ZDHHC14: variants seen among roughly 807,000 people sequenced by gnomAD.
ZDHHC14 encodes palmitoyltransferase ZDHHC14.
A neutral mutation model predicts 47.7 loss-of-function variants in ZDHHC14; 16 were observed. The ratio of observed to expected loss-of-function variants is 0.34; its 90% confidence interval spans 0.23 to 0.51. The LOEUF is 0.51. Among genes scored for constraint, ZDHHC14 ranks in the 20% least tolerant of loss-of-function variants. ZDHHC14 has a pLI of 0.97. For missense variants in ZDHHC14, 515 were observed against 662.5 expected (o/e 0.78, Z 2.44); for synonymous variants, 293 against 278.9 (o/e 1.05, Z -0.50).
intron 2 of ZDHHC14, among the ~76,000 whole-genome samples, chr6:157,562,482 C>T (rs1782747929): frequency 6.6e-6 from 1 of 152,152 alleles, no homozygotes; most frequent in South Asian, 2.1e-4. Flanking sequence ...TGCTGCTGGG[C>T]TCTCCATGCG....
At chr6:157,420,487 T>A (rs1178503287) in intron 1 of ZDHHC14, among the ~76,000 whole-genome samples, 1 of 151,866 alleles carries the variant, frequency 6.6e-6, no homozygotes, top group Non-Finnish European at 1.5e-5. Flanking sequence ...GTATAGTCAC[T>A]GAAGGGGTGG....
At chr6:157,392,625 G>A (rs1777438524) in intron 1 of ZDHHC14, among the ~76,000 whole-genome samples, 1 of 146,976 alleles carries the variant, frequency 6.8e-6, no homozygotes, top group Non-Finnish European at 1.5e-5. Flanking sequence ...GCCATGACTG[G>A]ATCCATAATT....
intron 2 of ZDHHC14, among the ~76,000 whole-genome samples, chr6:157,589,542 G>A (rs1209710010): frequency 6.6e-6 from 1 of 152,134 alleles, no homozygotes; most frequent in African/African-American, 2.4e-5. Context: ...ATGATAGTGA[G>A]TGAGTTCTCA....
intron 1 of ZDHHC14, among the ~76,000 whole-genome samples, chr6:157,494,767 T>C (rs185026413): frequency 6.6e-6 from 1 of 152,344 alleles, no homozygotes; most frequent in African/African-American, 2.4e-5. Flanking sequence ...AATTGCATTT[T>C]ATGGGCTCTA....
intron 1 of ZDHHC14, among the ~76,000 whole-genome samples, chr6:157,479,988 G>A (rs570967688): frequency 1.3e-5 from 2 of 152,220 alleles, no homozygotes; most frequent in Non-Finnish European, 2.9e-5. Context: ...GATCCTCGAG[G>A]GGGTAGGGGA....
At chr6:157,487,380 C>T (rs1043141095) in intron 1 of ZDHHC14, among the ~76,000 whole-genome samples, 3 of 152,140 alleles carry the variant, frequency 2.0e-5, no homozygotes, top group African/African-American at 7.2e-5. Flanking sequence ...GTCTCACTGA[C>T]CTGGTCTTCT....
intron 2 of ZDHHC14, among the ~76,000 whole-genome samples, chr6:157,574,695 T>A (rs1367289097): frequency 6.6e-6 from 1 of 152,218 alleles, no homozygotes; most frequent in Non-Finnish European, 1.5e-5. Flanking sequence ...TTCCCCATTT[T>A]AAAGTTTCTG....
chr6:157,452,246 A>ATT (rs35501167), intron 1 of ZDHHC14, among the ~76,000 whole-genome samples: 32,036 of 149,916 alleles, frequency 0.21, 3,620 homozygotes, highest in African/African-American at 0.26. Context: ...AGTACCTAGT[A>ATT]TTTTTTTTTT....
chr6:157,468,957 C>T (rs1286104424), intron 1 of ZDHHC14, among the ~76,000 whole-genome samples: 1 of 152,190 alleles, frequency 6.6e-6, no homozygotes, highest in Non-Finnish European at 1.5e-5. Context: ...AAACCCAGGT[C>T]TCTATTCCCC....
At chr6:157,512,489 G>T (rs972695713) in intron 1 of ZDHHC14, among the ~76,000 whole-genome samples, 1 of 152,204 alleles carries the variant, frequency 6.6e-6, no homozygotes, top group African/African-American at 2.4e-5. Context: ...CAGTTCATGC[G>T]TGAGCCACAC....
intron 7 of ZDHHC14, among the ~76,000 whole-genome samples, chr6:157,652,915 G>C (rs1777906246): frequency 6.6e-6 from 1 of 152,192 alleles, no homozygotes; most frequent in Non-Finnish European, 1.5e-5. Flanking sequence ...CAGAGAAGGG[G>C]AGAGAGGAGG....
At chr6:157,423,665 T>A (rs1051639186) in intron 1 of ZDHHC14, among the ~76,000 whole-genome samples, 2 of 152,176 alleles carry the variant, frequency 1.3e-5, no homozygotes, top group East Asian at 3.8e-4. Context: ...TCTGAAGTTG[T>A]TTGACATAAG....
At chr6:157,481,063 A>T (rs1387087310) in intron 1 of ZDHHC14, among the ~76,000 whole-genome samples, 1 of 152,118 alleles carries the variant, frequency 6.6e-6, no homozygotes. Context: ...CGAAACCATT[A>T]TTTTCTATTT....
Position 157,677,449 on chromosome 6 carries a change from G to A in ZDHHC14, c.*4327G>A, listed in dbSNP as rs1214531784. 5 of 151,884 alleles carry A rather than the reference G, an allele frequency of 3.3e-5. No individual in the cohort carries two copies. Among genetic ancestry groups the A allele is most frequent in the Non-Finnish European group, 7.4e-5 (5 of 67,990 alleles). 9.4% of individuals were successfully genotyped at this position (151,884 alleles called of 1,614,324 possible). A position where few individuals can be genotyped will look rare whatever the true frequency, so the allele number is the denominator to read the frequency against. The stretch of plus-strand genomic sequence containing the variant: ...TGGTCCTGATAATAGAGCCAAGATG[G>A]ATTTTCACATGTAAGGTGTTAGTCC... On this transcript the variant is annotated 3_prime_UTR_variant, in exon 9 of 9. Transcript: ENST00000359775.
intron 5 of ZDHHC14, among the ~76,000 whole-genome samples, chr6:157,638,702 C>T (rs2114969624): frequency 6.6e-6 from 1 of 152,368 alleles, no homozygotes; most frequent in African/African-American, 2.4e-5. Context: ...GTCTCGCCCT[C>T]TTCTGCCAGC....
chr6:157,460,142 G>T (rs139863843), intron 1 of ZDHHC14, among the ~76,000 whole-genome samples: 1 of 151,626 alleles, frequency 6.6e-6, no homozygotes, highest in African/African-American at 2.4e-5. Context: ...GGCAGAAGTT[G>T]CAGTGAGCCG....
At position 157,584,414 on chromosome 6, in the gene ZDHHC14, C is replaced by G. The variant is rs148006349; in HGVS notation, c.407-8574C>G. Among the ~76,000 whole-genome samples, 1,130 of 152,344 alleles carry G rather than the reference C, an allele frequency of 7.4e-3. 21 individuals are homozygous for G. The highest frequency in any genetic ancestry group is 0.025 in the African/African-American group (1,031 of 41,562). ...TGCAATGGTAGGAAAGAATCTTACT[C>G]TACATCTTTTATAATTTGGGATTTT... On this transcript the variant is annotated intron_variant, in intron 2 of 8. Transcript: ENST00000359775.
intron 1 of ZDHHC14, among the ~76,000 whole-genome samples, chr6:157,418,359 A>G (rs144742333): frequency 2.1e-4 from 32 of 152,328 alleles, no homozygotes; most frequent in Non-Finnish European, 4.1e-4. Flanking sequence ...ACTTATGAAG[A>G]TATGGAACCA....
intron 1 of ZDHHC14, among the ~76,000 whole-genome samples, chr6:157,384,447 T>A (rs769982714): frequency 3.9e-5 from 6 of 152,218 alleles, no homozygotes; most frequent in Non-Finnish European, 4.4e-5. Flanking sequence ...TTATGTTAAC[T>A]GATGACTGTA....
Sources: gnomAD v4.1 joint callset for allele counts (sites outside exome capture counted in the v4.1 genomes callset) on GRCh38, gnomAD v4.1.1 for gene constraint, MANE v1.5 for transcripts, NCBI Gene and HGNC (gene_info 2026-07-23, HGNC 2026-07-21) for gene names.